The following GRIK1 variants were observed in gnomAD, a reference collection of about 807,000 sequenced individuals.
GRIK1 encodes glutamate ionotropic receptor kainate type subunit 1.
In GRIK1, 69 loss-of-function variants were observed where a neutral mutation model predicts 105.7. That is an observed-to-expected ratio of 0.65 (90% confidence interval 0.54 to 0.80). The LOEUF is 0.80. Ranked by LOEUF, GRIK1 falls within the 30% of genes least tolerant of loss-of-function variation. GRIK1 has a pLI of 0.00. For missense variants in GRIK1, 1,109 were observed against 1,167.3 expected (o/e 0.95, Z 0.73); for synonymous variants, 438 against 431.3 (o/e 1.02, Z -0.19).
At chr21:29,813,159 G>T (rs1486693190) in intron 1 of GRIK1, among the ~76,000 whole-genome samples, 1 of 152,132 alleles carries the variant, frequency 6.6e-6, no homozygotes, top group Non-Finnish European at 1.5e-5. Context: ...ATTCAAGGAG[G>T]TGCTGCCAAG....
At chr21:29,632,172 T>C (rs545834792) in intron 7 of GRIK1, among the ~76,000 whole-genome samples, 10 of 152,302 alleles carry the variant, frequency 6.6e-5, no homozygotes, top group Middle Eastern at 3.4e-3. Context: ...TTTTATAATA[T>C]AGCAATGCCC....
chr21:29,731,681 G>T (rs539745610), intron 1 of GRIK1, among the ~76,000 whole-genome samples: 6 of 152,100 alleles, frequency 3.9e-5, no homozygotes, highest in Admixed American at 3.3e-4. Context: ...GTTAATTGTT[G>T]ATCACCATCA....
intron 1 of GRIK1, among the ~76,000 whole-genome samples, chr21:29,773,609 C>G (rs2065867910): frequency 6.6e-6 from 1 of 152,102 alleles, no homozygotes; most frequent in Non-Finnish European, 1.5e-5. Context: ...GCTTGGATTC[C>G]TATATATCTC....
chr21:29,650,862 G>A (rs770615931), intron 6 of GRIK1, among the ~76,000 whole-genome samples: 4 of 152,118 alleles, frequency 2.6e-5, no homozygotes, highest in African/African-American at 4.8e-5. Context: ...CCTTGCACTG[G>A]TTTGGCTGAT....
At chr21:29,700,711 A>C (rs1181138169) in intron 1 of GRIK1, among the ~76,000 whole-genome samples, 3 of 152,136 alleles carry the variant, frequency 2.0e-5, no homozygotes, top group Non-Finnish European at 4.4e-5. Flanking sequence ...AAATCAAGCC[A>C]TTGTTGTGGG....
chr21:29,710,415 C>T (rs1443903617), intron 1 of GRIK1, among the ~76,000 whole-genome samples: 2 of 121,256 alleles, frequency 1.6e-5, no homozygotes, highest in African/African-American at 8.7e-5. Flanking sequence ...TCTATCCTGT[C>T]CTGGAAAAGT....
At chr21:29,902,583 C>A (rs2070450149) in intron 1 of GRIK1, among the ~76,000 whole-genome samples, 1 of 152,130 alleles carries the variant, frequency 6.6e-6, no homozygotes, top group Non-Finnish European at 1.5e-5. Context: ...ATACAACTTA[C>A]AAGAGATGTG....
At chr21:29,591,246 C>A in intron 9 of GRIK1, 21 bp from the exon 10 acceptor site, 1 of 1,365,146 alleles carries the variant, frequency 7.3e-7, no homozygotes, top group African/African-American at 1.4e-5. Context: ...CACAGTACAT[C>A]AGAGGCTGCT....
At chr21:29,582,035 T>A (rs547404767) in intron 12 of GRIK1, among the ~76,000 whole-genome samples, 4 of 151,936 alleles carry the variant, frequency 2.6e-5, no homozygotes, top group Admixed American at 2.6e-4. Flanking sequence ...TTAGAAGGAG[T>A]CTAAGTGGTG....
chr21:29,624,752 A>G lies in GRIK1; in HGVS notation c.1098+18074T>C, dbSNP rs940319710. On this transcript the variant is annotated intron_variant, in intron 7 of 17. Transcript: ENST00000327783. Reference sequence around the variant, plus strand: ...TTTAAATCACTAGTTTGTAATTTTAATAATGTAGATGACTAAAGCCCAGGC... The same window carrying G: ...TTTAAATCACTAGTTTGTAATTTTAGTAATGTAGATGACTAAAGCCCAGGC... 4.6e-5 allele frequency among the ~76,000 whole-genome samples: 7 copies of G among 152,372 alleles called. No individual in the cohort carries two copies. In the East Asian group the frequency reaches 7.7e-4, roughly 17 times the overall value.
At chr21:29,816,123 A>G (rs1253437649) in intron 1 of GRIK1, among the ~76,000 whole-genome samples, 1 of 152,150 alleles carries the variant, frequency 6.6e-6, no homozygotes. Flanking sequence ...TCCCATTAAA[A>G]TGTGGGCAAA....
At chr21:29,935,243 GA>G (rs2146373480) in intron 1 of GRIK1, among the ~76,000 whole-genome samples, 1 of 152,204 alleles carries the variant, frequency 6.6e-6, no homozygotes, top group South Asian at 2.1e-4. Context: ...AATAGTATTT[GA>G]AAAAAATTTT....
At chr21:29,719,250 T>G (rs1017014045) in intron 1 of GRIK1, among the ~76,000 whole-genome samples, 1 of 151,696 alleles carries the variant, frequency 6.6e-6, no homozygotes, top group Non-Finnish European at 1.5e-5. Context: ...GAAAAAATAC[T>G]TTTATCTAGA....
At chr21:29,817,271 T>G (rs1017596545) in intron 1 of GRIK1, among the ~76,000 whole-genome samples, 1 of 152,042 alleles carries the variant, frequency 6.6e-6, no homozygotes, top group Non-Finnish European at 1.5e-5. Context: ...TACATAAAAC[T>G]ACTCATAAAA....
At chr21:29,815,995 A>G (rs887089534) in intron 1 of GRIK1, among the ~76,000 whole-genome samples, 12 of 152,122 alleles carry the variant, frequency 7.9e-5, no homozygotes, top group Admixed American at 1.3e-4. Context: ...GAAATAATCA[A>G]CAGAGTGAAG....
rs182840649 is a variant in GRIK1 at position 29,875,070 on chromosome 21, T to C, written c.118+64313A>G. ...AACATTATTTATTTTGTCAATTTCTTTTTCTCATTTTCTCCAAAATAATTA... is the reference window on the plus strand; with the variant it reads ...AACATTATTTATTTTGTCAATTTCTCTTTCTCATTTTCTCCAAAATAATTA... On this transcript the variant is annotated intron_variant, in intron 1 of 17. Coordinates refer to ENST00000327783, the MANE Select transcript of GRIK1 (RefSeq NM_001330994.2). Among the ~76,000 whole-genome samples the C allele has an allele frequency of 1.9e-3, 294 of 152,152 alleles. 5 individuals carry two copies. In the South Asian group the frequency reaches 0.058, roughly 30 times the overall value.
intron 1 of GRIK1, among the ~76,000 whole-genome samples, chr21:29,772,482 A>G (rs1355863158): frequency 6.6e-6 from 1 of 152,242 alleles, no homozygotes; most frequent in East Asian, 1.9e-4. Flanking sequence ...CCAAAAATCA[A>G]TAGCAAAATG....
At chr21:29,599,989 G>A (rs1378123681) in intron 7 of GRIK1, among the ~76,000 whole-genome samples, 1 of 152,124 alleles carries the variant, frequency 6.6e-6, no homozygotes, top group East Asian at 1.9e-4. Context: ...GGGAGGCTGA[G>A]TCAGGAGAAT....
chr21:29,811,125 C>T (rs991636704), intron 1 of GRIK1, among the ~76,000 whole-genome samples: 3 of 151,980 alleles, frequency 2.0e-5, no homozygotes, highest in Non-Finnish European at 4.4e-5. Flanking sequence ...AAGTGGAGGG[C>T]GTCATTAGAG....
Sources: gnomAD v4.1 joint callset for allele counts (sites outside exome capture counted in the v4.1 genomes callset) on GRCh38, gnomAD v4.1.1 for gene constraint, MANE v1.5 for transcripts, NCBI Gene and HGNC (gene_info 2026-07-23, HGNC 2026-07-21) for gene names.